TCERG1L: variants seen among roughly 807,000 people sequenced by gnomAD.
TCERG1L encodes transcription elongation regulator 1-like protein.
Under a neutral mutation model 56.3 loss-of-function variants are expected in TCERG1L, and 37 were observed. The observed-to-expected ratio is 0.66, with a 90% CI of 0.51 to 0.87. The LOEUF is 0.87. Among genes scored for constraint, TCERG1L ranks in the 40% least tolerant of loss-of-function variants. The probability of loss-of-function intolerance (pLI) is 0.00; values close to 1 mark genes in which losing one functional copy is unlikely to be tolerated. For synonymous variants in TCERG1L, 324 were observed against 326.3 expected (o/e 0.99, Z 0.08); for missense variants, 799 against 774.2 (o/e 1.03, Z -0.38).
chr10:131,231,996 C>T (rs557947238), intron 4 of TCERG1L, among the ~76,000 whole-genome samples: 11 of 152,278 alleles, frequency 7.2e-5, no homozygotes, highest in African/African-American at 1.7e-4. Flanking sequence ...AAATGGCCCC[C>T]GTTCCTCCCA....
chr10:131,234,712 G>T (rs1354697960), intron 4 of TCERG1L, among the ~76,000 whole-genome samples: 2 of 148,444 alleles, frequency 1.3e-5, no homozygotes, highest in Non-Finnish European at 3.0e-5. Context: ...GTTTTGTTGT[G>T]TTTTTTTGAG....
chr10:131,160,203 G>A (rs1347913725), intron 6 of TCERG1L, among the ~76,000 whole-genome samples: 3 of 152,140 alleles, frequency 2.0e-5, no homozygotes, highest in Non-Finnish European at 4.4e-5. Context: ...CGCCCACCTG[G>A]GGCTCCCTGG....
intron 7 of TCERG1L, among the ~76,000 whole-genome samples, chr10:131,142,950 G>A (rs1277147955): frequency 6.6e-6 from 1 of 152,162 alleles, no homozygotes; most frequent in Non-Finnish European, 1.5e-5. Flanking sequence ...GGACCCTTCA[G>A]AGTGGGAGCG....
chr10:131,117,972 C>T (rs1039993608), intron 8 of TCERG1L, among the ~76,000 whole-genome samples: 4 of 152,234 alleles, frequency 2.6e-5, no homozygotes, highest in South Asian at 4.1e-4. Context: ...GGGGCAGGTC[C>T]GTCGGCTGCC....
At chr10:131,181,616 C>T (rs1185163873) in intron 4 of TCERG1L, among the ~76,000 whole-genome samples, 1 of 152,256 alleles carries the variant, frequency 6.6e-6, no homozygotes, top group East Asian at 1.9e-4. Context: ...CTGAGCCAGC[C>T]TCATCTGCTG....
At chr10:131,139,226 C>G (rs1481868466) in intron 7 of TCERG1L, among the ~76,000 whole-genome samples, 1 of 152,194 alleles carries the variant, frequency 6.6e-6, no homozygotes, top group Non-Finnish European at 1.5e-5. Context: ...CCTTTTGAGC[C>G]AACAATTCTA....
intron 7 of TCERG1L, among the ~76,000 whole-genome samples, chr10:131,137,868 G>A (rs1214486870): frequency 2.6e-5 from 4 of 152,168 alleles, no homozygotes; most frequent in African/African-American, 9.7e-5. Flanking sequence ...AAGCTCTCTG[G>A]TTGGGTCTCC....
At chr10:131,179,828 C>T (rs1045776554) in intron 4 of TCERG1L, among the ~76,000 whole-genome samples, 1 of 152,164 alleles carries the variant, frequency 6.6e-6, no homozygotes, top group Non-Finnish European at 1.5e-5. Context: ...GAAGTTAAGG[C>T]CCAGGCACCC....
At chr10:131,234,352 C>T (rs1329786961) in intron 4 of TCERG1L, among the ~76,000 whole-genome samples, 1 of 152,186 alleles carries the variant, frequency 6.6e-6, no homozygotes, top group East Asian at 1.9e-4. Flanking sequence ...TGAATCATTG[C>T]TATTACAAAT....
chr10:131,170,640 G>A lies in TCERG1L; in HGVS notation c.857-3755C>T, dbSNP rs577067110. 1.1e-4 allele frequency among the ~76,000 whole-genome samples: 16 copies of A among 152,248 alleles called. No individual in the cohort carries two copies. In the South Asian group the frequency reaches 1.2e-3, roughly 12 times the overall value. The stretch of plus-strand genomic sequence containing the variant: ...AAAAGCCTGTGCTAAAAACTCCCAC[G>A]CCAGTCAGCTGACAAGCATTTATTC... On this transcript the variant is annotated intron_variant, in intron 4 of 11. Transcript: ENST00000368642.
chr10:131,227,465 G>A (rs1845803419), intron 4 of TCERG1L, among the ~76,000 whole-genome samples: 1 of 152,182 alleles, frequency 6.6e-6, no homozygotes, highest in Admixed American at 6.5e-5. Context: ...GCTTGGGTGG[G>A]AGAAGAGCCA....
chr10:131,190,693 A>T (rs1018981680), intron 4 of TCERG1L, among the ~76,000 whole-genome samples: 7 of 143,830 alleles, frequency 4.9e-5, no homozygotes, highest in African/African-American at 1.8e-4. Context: ...ACTCCCAACA[A>T]ACTAGGCATA....
chr10:131,293,687 G>A (rs973577906), intron 3 of TCERG1L, among the ~76,000 whole-genome samples: 8 of 152,094 alleles, frequency 5.3e-5, no homozygotes, highest in East Asian at 1.9e-4. Flanking sequence ...GCTCCTGACC[G>A]AAATCCACCA....
chr10:131,232,079 C>G (rs562414262), intron 4 of TCERG1L, among the ~76,000 whole-genome samples: 20 of 152,384 alleles, frequency 1.3e-4, no homozygotes, highest in Non-Finnish European at 2.8e-4. Context: ...TCTGCCACCT[C>G]CTTGACTCCA....
intron 3 of TCERG1L, among the ~76,000 whole-genome samples, chr10:131,281,912 G>A (rs1228919853): frequency 2.0e-5 from 3 of 151,986 alleles, no homozygotes; most frequent in East Asian, 1.9e-4. Flanking sequence ...CGAGGCTGGC[G>A]GATCACGAGG....
In TCERG1L at chr10:131,163,191, C is replaced by G. The variant is rs118074196; in HGVS notation, c.965G>C (p.Gly322Ala). 1.3e-6 allele frequency: 2 copies of G among 1,557,968 alleles called. No individual in the cohort carries two copies. Among genetic ancestry groups the G allele is most frequent in the East Asian group, 2.4e-5 (1 of 42,320 alleles). Reference sequence around the variant, plus strand: ...TCTGGCTGTGCTGTCCTCTCCTCCCCCCAGCATCGGTGGAGGCTCCTTTCA... The same window carrying G: ...TCTGGCTGTGCTGTCCTCTCCTCCCGCCAGCATCGGTGGAGGCTCCTTTCA... ...KEDKEPPPML[G>A]GGEDSTARGN... Residue 322 changes from glycine (G) to alanine (A), a missense_variant, in exon 6 of 12, where the codon GGG (glycine) becomes GCG (alanine). Physicochemically the swap from Gly to Ala is moderately conservative, Grantham distance 60. Transcript: ENST00000368642.
intron 3 of TCERG1L, among the ~76,000 whole-genome samples, chr10:131,270,947 T>C (rs1041084982): frequency 2.6e-5 from 4 of 152,136 alleles, no homozygotes; most frequent in Non-Finnish European, 5.9e-5. Context: ...ATCTGACGCA[T>C]CTGAGAGGAA....
chr10:131,211,627 C>CT (rs1845621674), intron 4 of TCERG1L, among the ~76,000 whole-genome samples: 1 of 152,318 alleles, frequency 6.6e-6, no homozygotes, highest in African/African-American at 2.4e-5. Context: ...TAGGCAGCTC[C>CT]TTTCATGAAG....
In TCERG1L at chr10:131,257,821, C is replaced by T. The variant is rs575295340; in HGVS notation, c.856+2438G>A. 3.9e-5 allele frequency among the ~76,000 whole-genome samples: 6 copies of T among 152,328 alleles called. No individual in the cohort carries two copies. In the South Asian group the frequency reaches 1.2e-3, roughly 32 times the overall value. ...TCCAGTTGGGGACCATTAAGCTAAA[C>T]CACGTGGAGCTCTGAGGTTACTGAC... On this transcript the variant is annotated intron_variant, in intron 4 of 11. Transcript: ENST00000368642.
Sources: gnomAD v4.1 joint callset for allele counts (sites outside exome capture counted in the v4.1 genomes callset) on GRCh38, gnomAD v4.1.1 for gene constraint, MANE v1.5 for transcripts, NCBI Gene and HGNC (gene_info 2026-07-23, HGNC 2026-07-21) for gene names.